PLXDC1: variants seen among roughly 807,000 people sequenced by gnomAD.
PLXDC1 encodes the protein plexin domain containing 1.
In PLXDC1, 39 loss-of-function variants were observed where a neutral mutation model predicts 61.3. That is an observed-to-expected ratio of 0.64 (90% CI 0.49 to 0.83). The LOEUF is 0.83. PLXDC1 is among the 40% of genes least tolerant of loss of function. PLXDC1 has a pLI of 0.00. For missense variants in PLXDC1, 596 were observed against 666.5 expected (o/e 0.89, Z 1.17); for synonymous variants, 212 against 254.5 (o/e 0.83, Z 1.59).
At chr17:39,103,568 G>A (rs1910496544) in intron 7 of PLXDC1, among the ~76,000 whole-genome samples, 1 of 151,958 alleles carries the variant, frequency 6.6e-6, no homozygotes, top group Non-Finnish European at 1.5e-5. Flanking sequence ...ATTCATGGCT[G>A]GGCGCGGTGG....
In PLXDC1 at chr17:39,063,535, A is replaced by G; in HGVS notation, c.*4305T>C. 1.4e-6 allele frequency: 1 copy of G among 702,738 alleles called. No homozygotes were observed. The highest frequency in any genetic ancestry group is 2.6e-6 in the Non-Finnish European group (1 of 384,914). The allele number at this position is 702,738 out of a possible 1,614,324, so 43.5% of individuals were successfully genotyped here. A position where few individuals can be genotyped will look rare whatever the true frequency, so the allele number is the denominator to read the frequency against. ...GCGAAGAAGTCGGAGTTCAGCAGCCATCAGAACCAAGGTATGTGTGGTGAT... is the reference window on the plus strand; with the variant it reads ...GCGAAGAAGTCGGAGTTCAGCAGCCGTCAGAACCAAGGTATGTGTGGTGAT... On this transcript the variant is annotated 3_prime_UTR_variant, in exon 14 of 14. Transcript: ENST00000315392.
At chr17:39,090,829 A>G (rs1182829492) in intron 7 of PLXDC1, among the ~76,000 whole-genome samples, 1 of 152,124 alleles carries the variant, frequency 6.6e-6, no homozygotes, top group Non-Finnish European at 1.5e-5. Context: ...GAACATGAGG[A>G]GGAAGGATGG....
At chr17:39,070,069 G>A (rs1359892757) in intron 12 of PLXDC1, 53 bp from the exon 13 acceptor site, 38 of 1,403,676 alleles carry the variant, frequency 2.7e-5, no homozygotes, top group East Asian at 6.9e-5. Context: ...AGGGAAGGTC[G>A]AACCATGGGG....
intron 2 of PLXDC1, among the ~76,000 whole-genome samples, chr17:39,109,635 C>T (rs919012636): frequency 6.6e-6 from 1 of 152,216 alleles, no homozygotes; most frequent in Non-Finnish European, 1.5e-5. Context: ...AAATCCACGC[C>T]TGCTGCCCTC....
At chr17:39,077,725 T>A (rs940606545) in intron 11 of PLXDC1, among the ~76,000 whole-genome samples, 188 bp downstream of exon 11, 1 of 152,206 alleles carries the variant, frequency 6.6e-6, no homozygotes, top group Non-Finnish European at 1.5e-5. Context: ...AAGTTCTAAA[T>A]CTGGCTCTGC....
chr17:39,133,991 C>G (rs930243595), intron 2 of PLXDC1, among the ~76,000 whole-genome samples: 1 of 151,884 alleles, frequency 6.6e-6, no homozygotes, highest in East Asian at 2.0e-4. Flanking sequence ...GGTGCAGTGG[C>G]TCACGCCTGT....
chr17:39,119,363 C>T (rs897316878), intron 2 of PLXDC1, among the ~76,000 whole-genome samples: 5 of 152,188 alleles, frequency 3.3e-5, no homozygotes, highest in African/African-American at 9.7e-5. Flanking sequence ...TATGAATGTG[C>T]AAATTACCCT....
chr17:39,072,507 G>A lies in PLXDC1; in HGVS notation c.1187-22C>T, dbSNP rs79788162. ...TCATCTTCAAAGAGAGAAGACAGAAGGAGCAAGATTAGTGGAATCATTACA... is the reference window on the plus strand; with the variant it reads ...TCATCTTCAAAGAGAGAAGACAGAAAGAGCAAGATTAGTGGAATCATTACA... On this transcript the variant is annotated intron_variant, in intron 11 of 13. Transcript: ENST00000315392. 1.8e-3 allele frequency: 2,599 copies of A among 1,471,310 alleles called. 39 individuals carry two copies. In the African/African-American group the frequency reaches 0.031, roughly 18 times the overall value. The allele number at this position is 1,471,310 out of a possible 1,614,324, so 91.1% of individuals were successfully genotyped here.
intron 1 of PLXDC1, chr17:39,144,885 A>G (rs992506171): frequency 6.6e-6 from 1 of 152,240 alleles, no homozygotes; most frequent in Non-Finnish European, 1.5e-5. Flanking sequence ...ACTTTCAGAG[A>G]ATGCTGCTCT....
At chr17:39,097,881 G>A (rs1408973744) in intron 7 of PLXDC1, among the ~76,000 whole-genome samples, 2 of 136,930 alleles carry the variant, frequency 1.5e-5, no homozygotes, top group African/African-American at 2.8e-5. Flanking sequence ...CGGCCTGAGC[G>A]ACAGAGCAAG....
At chr17:39,087,738 T>A (rs768956301) in intron 7 of PLXDC1, 36 bp from the exon 8 acceptor site, 16 of 1,522,670 alleles carry the variant, frequency 1.1e-5, no homozygotes, top group Non-Finnish European at 9.1e-7. Context: ...CAGGAGCATA[T>A]CACAGGCAGA....
chr17:39,145,566 G>A (rs866136069), intron 1 of PLXDC1, among the ~76,000 whole-genome samples: 1 of 152,080 alleles, frequency 6.6e-6, no homozygotes, highest in Non-Finnish European at 1.5e-5. Flanking sequence ...ATCTCTCTCC[G>A]GCTTCCAGCT....
chr17:39,130,444 C>A lies in PLXDC1; in HGVS notation c.255+9210G>T, dbSNP rs528009088. 5.9e-5 allele frequency among the ~76,000 whole-genome samples: 9 copies of A among 152,172 alleles called. No homozygotes were observed. The East Asian group carries it at 1.7e-3, about 29-fold the overall frequency. On this transcript the variant is annotated intron_variant, in intron 2 of 13. Coordinates refer to ENST00000315392, the MANE Select transcript of PLXDC1 (RefSeq NM_020405.5). ...TTCCAACCTGGGCAACAGAGCAAGA[C>A]CCTTTCTCAAGAACAAAAACAAAAC...
At position 39,108,220 on chromosome 17, in the gene PLXDC1, G is replaced by GATCAC. The variant is rs1314121792; in HGVS notation, c.490_494dup (p.Ile165MetfsTer2). 6.2e-7 allele frequency: 1 copy of GATCAC among 1,614,104 alleles called. No individual in the cohort carries two copies. The highest frequency in any genetic ancestry group is 8.5e-7 in the Non-Finnish European group (1 of 1,180,000). On this transcript the variant is annotated stop_gained and frameshift_variant, in exon 5 of 14. Coordinates refer to ENST00000315392, the MANE Select transcript of PLXDC1 (RefSeq NM_020405.5). LOFTEE classifies it high-confidence loss of function. ...ACTGAGTAGCTGTGAGCATCCGATG[G>GATCAC]ATCACGTCCCCCATGAAGATGAAGC... is the stretch of plus-strand genomic sequence containing the variant.
chr17:39,085,538 C>G (rs1158621501), intron 8 of PLXDC1, among the ~76,000 whole-genome samples: 1 of 152,158 alleles, frequency 6.6e-6, no homozygotes, highest in Non-Finnish European at 1.5e-5. Context: ...GGGTTTGAAC[C>G]AAGGTCTGTT....
Position 39,105,960 on chromosome 17 carries a change from C to T in PLXDC1, c.712-7G>A, listed in dbSNP as rs1158258513. On this transcript the variant is annotated splice_polypyrimidine_tract_variant and splice_region_variant and intron_variant, in intron 6 of 13. Coordinates refer to ENST00000315392, the MANE Select transcript of PLXDC1 (RefSeq NM_020405.5). Reference sequence around the variant, plus strand: ...CCGGGACAGACATAGGGATCTGCGGCAGGGAGAAGAGACTCCGTCCACCTC... The same window carrying T: ...CCGGGACAGACATAGGGATCTGCGGTAGGGAGAAGAGACTCCGTCCACCTC... The T allele has an allele frequency of 1.2e-6, 2 of 1,605,854 alleles. No individual in the cohort carries two copies. The highest frequency in any genetic ancestry group is 1.7e-6 in the Non-Finnish European group (2 of 1,173,100).
intron 11 of PLXDC1, among the ~76,000 whole-genome samples, chr17:39,074,227 A>T (rs1038522171): frequency 3.9e-5 from 6 of 152,102 alleles, no homozygotes; most frequent in Non-Finnish European, 8.8e-5. Context: ...GTTTTTTCTT[A>T]TAAACCAGGC....
chr17:39,085,849 C>A (rs2143441951), intron 8 of PLXDC1, among the ~76,000 whole-genome samples: 1 of 152,288 alleles, frequency 6.6e-6, no homozygotes, highest in African/African-American at 2.4e-5. Flanking sequence ...ACCCCTCCTT[C>A]ACCAGCTGCT....
chr17:39,132,439 C>T (rs1012680797), intron 2 of PLXDC1, among the ~76,000 whole-genome samples: 8 of 152,100 alleles, frequency 5.3e-5, no homozygotes, highest in South Asian at 2.1e-4. Context: ...GGAAAATCTC[C>T]GGAAATCTTG....
Sources: allele counts gnomAD v4.1 joint callset (sites outside exome capture counted in the v4.1 genomes callset), GRCh38; gene constraint gnomAD v4.1.1; transcripts MANE v1.5; gene names NCBI Gene and HGNC (gene_info 2026-07-23, HGNC 2026-07-21).